AGO3: variants seen among roughly 807,000 people sequenced by gnomAD.
The protein encoded by AGO3 is protein argonaute-3.
AGO3 carries 16 observed loss-of-function variants against 105.5 expected under a neutral mutation model. The ratio of observed to expected loss-of-function variants is 0.15; its 90% CI spans 0.10 to 0.23. AGO3 has a LOEUF of 0.23. AGO3 is among the 10% of genes least tolerant of loss of function. The pLI is 1.00. For missense variants in AGO3, 534 were observed against 1,088.0 expected, an observed-to-expected ratio of 0.49 and a Z score of 7.16; for synonymous variants, 340 against 367.3, an observed-to-expected ratio of 0.93 and a Z score of 0.85.
At chr1:36,051,921 AAG>A (rs1642732095) in intron 17 of AGO3, among the ~76,000 whole-genome samples, 1 of 152,210 alleles carries the variant, frequency 6.6e-6, no homozygotes, top group African/African-American at 2.4e-5. Flanking sequence ...CATTATCAAA[AAG>A]ACAAAGAATG....
At chr1:36,005,402 T>C (rs1199338453) in intron 6 of AGO3, among the ~76,000 whole-genome samples, 1 of 152,164 alleles carries the variant, frequency 6.6e-6, no homozygotes, top group African/African-American at 2.4e-5. Flanking sequence ...AGATAGTCAT[T>C]GTAATAAAAT....
chr1:35,937,993 T>G (rs1013713749), intron 1 of AGO3, among the ~76,000 whole-genome samples: 1 of 151,288 alleles, frequency 6.6e-6, no homozygotes, highest in African/African-American at 2.4e-5. Flanking sequence ...TTTTTTTTTT[T>G]TTTTTGAGAC....
chr1:35,982,828 C>G, intron 5 of AGO3: 2 of 492,810 alleles, frequency 4.1e-6, no homozygotes, highest in Non-Finnish European at 7.4e-6. Flanking sequence ...GTACATGGAA[C>G]GGATTGGAAA....
chr1:36,053,680 G>T lies in AGO3; in HGVS notation c.2275-1266G>T, dbSNP rs562796001. On this transcript the variant is annotated intron_variant, in intron 17 of 18. Coordinates refer to ENST00000373191, the MANE Select transcript of AGO3 (RefSeq NM_024852.4). ...CTGCAGCCTTGACTTCCTGAGCTCA[G>T]CAATCTTCCTGCCTCAGCCTCCCAC... Among the ~76,000 whole-genome samples, 4 of 150,928 alleles carry T rather than the reference G, an allele frequency of 2.7e-5. No individual in the cohort carries two copies. The East Asian group carries it at 7.8e-4, about 29-fold the overall frequency.
In AGO3 at chr1:36,009,925, T is replaced by TAA. The variant is rs577979955; in HGVS notation, c.1149+334_1149+335dup. On this transcript the variant is annotated intron_variant, in intron 9 of 18. Coordinates refer to ENST00000373191, the MANE Select transcript of AGO3 (RefSeq NM_024852.4). The stretch of plus-strand genomic sequence containing the variant: ...GTCAAAGAATTATGACTAGCAATAC[T>TAA]AAAATTCTTTTTTTTTTTTTTTTTT... 9.2e-4 allele frequency among the ~76,000 whole-genome samples: 127 copies of TAA among 137,956 alleles called. 3 individuals carry two copies. The East Asian group carries it at 0.017, about 18-fold the overall frequency. The allele number at this position is 137,956 out of a possible 152,430, so 90.5% of individuals were successfully genotyped here.
intron 1 of AGO3, among the ~76,000 whole-genome samples, chr1:35,942,627 TATTA>T (rs1329504395): frequency 6.6e-6 from 1 of 152,210 alleles, no homozygotes; most frequent in Non-Finnish European, 1.5e-5. Context: ...GATAATAGTT[TATTA>T]ATTTATTGTT....
At chr1:35,972,339 C>T in intron 4 of AGO3, 107 bp downstream of exon 4, 1 of 1,262,860 alleles carries the variant, frequency 7.9e-7, no homozygotes, top group South Asian at 1.4e-5. Flanking sequence ...GATTGTTCAA[C>T]TGAAATGTTG....
chr1:35,984,890 TA>T (rs1647135152), intron 5 of AGO3, among the ~76,000 whole-genome samples: 1 of 152,228 alleles, frequency 6.6e-6, no homozygotes, highest in Non-Finnish European at 1.5e-5. Flanking sequence ...TACTCAGGAA[TA>T]AACGATTTCT....
At chr1:35,956,793 A>G (rs1471262581) in intron 2 of AGO3, among the ~76,000 whole-genome samples, 1 of 151,708 alleles carries the variant, frequency 6.6e-6, no homozygotes, top group Non-Finnish European at 1.5e-5. Context: ...CTACAGGTGC[A>G]TGCCACCATG....
At chr1:35,975,539 T>G (rs1442821085) in intron 5 of AGO3, among the ~76,000 whole-genome samples, 1 of 149,626 alleles carries the variant, frequency 6.7e-6, no homozygotes, top group East Asian at 1.9e-4. Context: ...TATTGTGATG[T>G]TTTTTTTGTT....
chr1:35,963,554 A>G lies in AGO3; in HGVS notation c.192-3401A>G, dbSNP rs572735146. ...AAAGAAAATCAGTTAGAAGAGGGATATTATACAGATGATGATAACACACCA... is the reference window on the plus strand; with the variant it reads ...AAAGAAAATCAGTTAGAAGAGGGATGTTATACAGATGATGATAACACACCA... On this transcript the variant is annotated intron_variant, in intron 2 of 18. Transcript: ENST00000373191. Among the ~76,000 whole-genome samples, 60 of 152,154 alleles carry G rather than the reference A, an allele frequency of 3.9e-4. 1 individual carries two copies. The highest frequency in any genetic ancestry group is 1.9e-3 in the South Asian group (9 of 4,820).
At chr1:35,947,830 CA>C (rs1465381980) in intron 2 of AGO3, among the ~76,000 whole-genome samples, 1 of 152,138 alleles carries the variant, frequency 6.6e-6, no homozygotes, top group Non-Finnish European at 1.5e-5. Flanking sequence ...TCTTGTTTCT[CA>C]AAACTGGTTC....
chr1:36,023,459 A>C (rs959049549), intron 11 of AGO3, among the ~76,000 whole-genome samples: 1 of 152,242 alleles, frequency 6.6e-6, no homozygotes, highest in Admixed American at 6.5e-5. Context: ...GAACCAGAAT[A>C]GGTTCAAAGA....
chr1:35,940,011 A>G (rs929475390), intron 1 of AGO3, among the ~76,000 whole-genome samples: 5 of 152,042 alleles, frequency 3.3e-5, no homozygotes, highest in Admixed American at 2.0e-4. Flanking sequence ...ATTTCTAATC[A>G]TTGTTCAAAT....
rs190209466 is a variant in AGO3 at position 36,046,967 on chromosome 1, G to C, written c.2274+3419G>C. On this transcript the variant is annotated intron_variant, in intron 17 of 18. Coordinates refer to ENST00000373191, the MANE Select transcript of AGO3 (RefSeq NM_024852.4). Reference sequence around the variant, plus strand: ...CTCAACAAAATCGGGAAAGCAGGCCGGCCGCAGTGGCTCACGCCTGTAATC... The same window carrying C: ...CTCAACAAAATCGGGAAAGCAGGCCCGCCGCAGTGGCTCACGCCTGTAATC... Among the ~76,000 whole-genome samples, 648 of 151,908 alleles carry C rather than the reference G, an allele frequency of 4.3e-3. 2 individuals carry two copies. The highest frequency in any genetic ancestry group is 5.6e-3 in the Admixed American group (86 of 15,256).
chr1:35,999,616 G>A (rs899626749), intron 5 of AGO3, among the ~76,000 whole-genome samples: 29 of 151,992 alleles, frequency 1.9e-4, no homozygotes, highest in African/African-American at 7.0e-4. Flanking sequence ...AATGCCTTAT[G>A]TTTTTTGTTG....
At chr1:35,982,661 G>A in intron 5 of AGO3, 3 of 717,072 alleles carry the variant, frequency 4.2e-6, no homozygotes, top group Non-Finnish European at 5.2e-6. Flanking sequence ...AGATAGAGGA[G>A]AAAAAACTAA....
At position 35,931,219 on chromosome 1, in the gene AGO3, T is replaced by A. The variant is rs1360421537; in HGVS notation, c.-208T>A. 2 of 412,330 alleles carry A rather than the reference T, an allele frequency of 4.9e-6. No homozygotes were observed. Among genetic ancestry groups the A allele is most frequent in the African/African-American group, 2.1e-5 (1 of 48,676 alleles). 25.5% of individuals were successfully genotyped at this position (412,330 alleles called of 1,614,324 possible). On this transcript the variant is annotated 5_prime_UTR_variant, in exon 1 of 19. Coordinates refer to ENST00000373191, the MANE Select transcript of AGO3 (RefSeq NM_024852.4). ...GTCCGCGCCTCACATCTCCCCTTCC[T>A]CTCGCCTAGTCCTGTGCCGTTTTCC... is the stretch of plus-strand genomic sequence containing the variant.
intron 5 of AGO3, among the ~76,000 whole-genome samples, chr1:35,976,966 C>G (rs573103474): frequency 1.3e-4 from 19 of 151,982 alleles, no homozygotes; most frequent in Admixed American, 1.2e-3. Flanking sequence ...GTAGAATTCC[C>G]CTATAAAACC....
Sources: gnomAD v4.1 joint callset for allele counts (sites outside exome capture counted in the v4.1 genomes callset) on GRCh38, gnomAD v4.1.1 for gene constraint, MANE v1.5 for transcripts, NCBI Gene and HGNC (gene_info 2026-07-23, HGNC 2026-07-21) for gene names.